GTPBP1: variants seen among roughly 807,000 people sequenced by gnomAD.
GTPBP1 encodes GTP binding protein 1, also known as GTP-binding protein 1.
A neutral mutation model predicts 62.0 loss-of-function variants in GTPBP1; 23 were observed. That is an observed-to-expected ratio of 0.37 (90% CI 0.27 to 0.53). The LOEUF is 0.53. Among genes scored for constraint, GTPBP1 ranks in the 20% least tolerant of loss-of-function variants. The pLI is 0.89. For synonymous variants in GTPBP1, 344 were observed against 364.4 expected, an observed-to-expected ratio of 0.94 and a Z score of 0.64; for missense variants, 640 against 917.3, an observed-to-expected ratio of 0.70 and a Z score of 3.90.
chr22:38,708,899 T>A lies in GTPBP1; in HGVS notation c.247T>A (p.Trp83Arg). Reference protein sequence around the residue: ...EQYDSLLRQMWERMDEGCGET... With the variant: ...EQYDSLLRQMRERMDEGCGET... ...GTATGACAGCCTACTTCGGCAGATG[T>A]GGGAGAGGATGGACGAGGGATGCGG... Residue 83 changes from tryptophan (W) to arginine (R), a missense_variant, in exon 2 of 12, where the codon TGG (tryptophan) becomes AGG (arginine). Transcript: ENST00000216044. The A allele has an allele frequency of 6.2e-7, 1 of 1,611,730 alleles. No individual in the cohort carries two copies. The highest frequency in any genetic ancestry group is 8.5e-7 in the Non-Finnish European group (1 of 1,177,822).
chr22:38,732,393 G>C lies in GTPBP1; in HGVS notation c.*1689G>C, dbSNP rs568689209. The C allele has an allele frequency of 6.6e-6, 1 of 152,464 alleles. No individual in the cohort carries two copies. The highest frequency in any genetic ancestry group is 2.1e-4 in the South Asian group (1 of 4,836). The allele number at this position is 152,464 out of a possible 1,614,324, so 9.4% of individuals were successfully genotyped here. On this transcript the variant is annotated 3_prime_UTR_variant, in exon 12 of 12. Transcript: ENST00000216044. ...CCAGTCAGGCAGGCATGGCTTCCGT[G>C]TTCAGGCTCCCTCACCAGCTGGTGA...
Position 38,708,793 on chromosome 22 carries a change from T to C in GTPBP1, c.193-52T>C. ...TTAGGCTATATTGATCAGCTTTGGCTGTGGTGCTCTTCTAGCAAGTGTGGT... is the reference window on the plus strand; with the variant it reads ...TTAGGCTATATTGATCAGCTTTGGCCGTGGTGCTCTTCTAGCAAGTGTGGT... On this transcript the variant is annotated intron_variant, in intron 1 of 11. Coordinates refer to ENST00000216044, the MANE Select transcript of GTPBP1 (RefSeq NM_004286.5). 3.1e-6 allele frequency: 3 copies of C among 974,206 alleles called. No individual in the cohort carries two copies. In the South Asian group the frequency reaches 3.8e-5, roughly 12 times the overall value. 60.3% of individuals were successfully genotyped at this position (974,206 alleles called of 1,614,324 possible). A position where few individuals can be genotyped will look rare whatever the true frequency, so the allele number is the denominator to read the frequency against.
intron 2 of GTPBP1, among the ~76,000 whole-genome samples, chr22:38,711,169 T>G (rs1219908717): frequency 6.6e-6 from 1 of 152,226 alleles, no homozygotes; most frequent in Admixed American, 6.5e-5. Context: ...TATCACATCC[T>G]TTCTCTGTAA....
At chr22:38,722,888 G>T in intron 5 of GTPBP1, 1 of 1,318,886 alleles carries the variant, frequency 7.6e-7, no homozygotes, top group East Asian at 2.3e-5. Flanking sequence ...TTTCTTCCAC[G>T]CTTCGGCCCA....
At chr22:38,717,298 T>C (rs934335114) in intron 4 of GTPBP1, among the ~76,000 whole-genome samples, 2 of 152,196 alleles carry the variant, frequency 1.3e-5, no homozygotes, top group African/African-American at 4.8e-5. Context: ...TCCTGGGCCT[T>C]ACTTGTTACC....
At position 38,729,519 on chromosome 22, in the gene GTPBP1, C is replaced by G; in HGVS notation, c.1774C>G (p.Gln592Glu). The G allele has an allele frequency of 6.2e-7, 1 of 1,609,400 alleles. No homozygotes were observed. Among genetic ancestry groups the G allele is most frequent in the Non-Finnish European group, 8.5e-7 (1 of 1,178,080 alleles). ...CTCCAAGCCGCAGCAGATTAAAATG[C>G]AGTCGACGAAAAAGGGCCCCCTGAC... ...MNSKPQQIKMQSTKKGPLTKR... is the reference protein window; with the variant it reads ...MNSKPQQIKMESTKKGPLTKR... The change falls in exon 11 of 12, where the codon CAG becomes GAG. Residue 592 changes from glutamine (Q) to glutamate (E), a missense_variant. Gln to Glu is a conservative substitution (Grantham distance 29). Around this residue, in one of 4 missense-constraint regions of GTPBP1, gnomAD observed 117 missense variants for 107.1 expected, o/e 1.09. Transcript: ENST00000216044.
intron 4 of GTPBP1, among the ~76,000 whole-genome samples, chr22:38,719,152 C>T (rs541858256): frequency 5.3e-5 from 8 of 151,900 alleles, no homozygotes; most frequent in Middle Eastern, 6.3e-3. Context: ...ATTACAGGCA[C>T]GTGCCACCAC....
In GTPBP1 at chr22:38,725,998, C is replaced by G; in HGVS notation, c.1074-8C>G. ...TCCTTTTTTCCTTCCTCTTCTCCCT[C>G]TGCTTAGGATGTGCCCGATATTCCA... On this transcript the variant is annotated splice_region_variant and splice_polypyrimidine_tract_variant and intron_variant, in intron 6 of 11. Coordinates refer to ENST00000216044, the MANE Select transcript of GTPBP1 (RefSeq NM_004286.5). 1 of 1,613,400 alleles carries G rather than the reference C, an allele frequency of 6.2e-7. No individual in the cohort carries two copies. The highest frequency in any genetic ancestry group is 8.5e-7 in the Non-Finnish European group (1 of 1,179,358).
rs764502080 is a variant in GTPBP1 at position 38,721,849 on chromosome 22, T to G, written c.942T>G (p.Pro314=). 1.3e-6 allele frequency: 2 copies of G among 1,597,646 alleles called. No individual in the cohort carries two copies. The highest frequency in any genetic ancestry group is 1.7e-6 in the Non-Finnish European group (2 of 1,167,960). ...TAGTCACCAAGATTGACATGTGTCC[T>G]GCCAACATCCTGCAAGGTAAGTGAA... is the stretch of plus-strand genomic sequence containing the variant. ...FVVVTKIDMC[P]ANILQETLKL... The change falls in exon 5 of 12, where the codon CCT becomes CCG. Residue 314 remains proline (P), a synonymous_variant. Coordinates refer to ENST00000216044, the MANE Select transcript of GTPBP1 (RefSeq NM_004286.5).
At chr22:38,742,834 G>T, downstream of GTPBP1, 1 of 404,092 alleles carries the variant, frequency 2.5e-6, no homozygotes, top group East Asian at 4.7e-5. Context: ...AAGGTGGGCC[G>T]GGGAGAAGGT....
chr22:38,715,835 C>A, intron 2 of GTPBP1, 72 bp from the exon 3 acceptor site: 1 of 1,319,854 alleles, frequency 7.6e-7, no homozygotes, highest in Non-Finnish European at 1.1e-6. Context: ...AGGTGGGGTT[C>A]CTGGCTGGCT....
chr22:38,738,960 A>T (rs1332908765), downstream of GTPBP1: 1 of 1,613,398 alleles, frequency 6.2e-7, no homozygotes, highest in Non-Finnish European at 8.5e-7. This position sits in a 1 kb window ranked among gnomAD's most constrained non-coding sequence, Gnocchi z 6.6. Context: ...CGTAGGTCTC[A>T]GAACATCGGG....
chr22:38,720,647 G>A (rs2092695119), intron 4 of GTPBP1, among the ~76,000 whole-genome samples: 1 of 152,132 alleles, frequency 6.6e-6, no homozygotes, highest in Non-Finnish European at 1.5e-5. Context: ...CTTTTGTACA[G>A]CACATTTCAT....
Position 38,716,101 on chromosome 22 carries a change from G to T in GTPBP1, c.485+14G>T, listed in dbSNP as rs756051209. ...CCTGGAGGTCAGGTGAGGAGGCCGCGGGACATTTTGGGGTCCCCATTCTTC... is the reference window on the plus strand; with the variant it reads ...CCTGGAGGTCAGGTGAGGAGGCCGCTGGACATTTTGGGGTCCCCATTCTTC... On this transcript the variant is annotated intron_variant, in intron 3 of 11. Transcript: ENST00000216044. This position sits in a 1 kb window ranked among gnomAD's most constrained non-coding sequence, Gnocchi z 5.2. 3 of 1,558,856 alleles carry T rather than the reference G, an allele frequency of 1.9e-6. No homozygotes were observed. The East Asian group carries it at 7.3e-5, about 38-fold the overall frequency.
intron 10 of GTPBP1, chr22:38,728,508 G>C (rs1403708212): frequency 6.8e-6 from 2 of 294,450 alleles, no homozygotes; most frequent in East Asian, 1.3e-4. Context: ...TCAGAGCAGA[G>C]GTCTGGTTGG....
chr22:38,730,519 T>A lies in GTPBP1; in HGVS notation c.1918-93T>A. The A allele has an allele frequency of 1.1e-6, 1 of 879,046 alleles. No homozygotes were observed. Among genetic ancestry groups the A allele is most frequent in the Non-Finnish European group, 1.9e-6 (1 of 533,838 alleles). The allele number at this position is 879,046 out of a possible 1,614,324, so 54.5% of individuals were successfully genotyped here. On this transcript the variant is annotated intron_variant, in intron 11 of 11. Transcript: ENST00000216044. This position sits in a 1 kb window ranked among gnomAD's most constrained non-coding sequence, Gnocchi z 5.6. ...GGACCACGCAGCCTGCTCACGCATCTTCCGTCCCTGTCTCCCCGCTGCTCA... is the reference window on the plus strand; with the variant it reads ...GGACCACGCAGCCTGCTCACGCATCATCCGTCCCTGTCTCCCCGCTGCTCA...
At chr22:38,717,091 C>G in intron 4 of GTPBP1, 91 bp downstream of exon 4, 2 of 803,622 alleles carry the variant, frequency 2.5e-6, no homozygotes, top group Non-Finnish European at 4.0e-6. Flanking sequence ...GAGACTGAGG[C>G]CTGTTGGTTT....
At chr22:38,741,183 A>T, downstream of GTPBP1, 1 of 991,272 alleles carries the variant, frequency 1.0e-6, no homozygotes, top group Non-Finnish European at 1.6e-6. Context: ...CTGCAGCAAA[A>T]ATCAAACTGG....
At chr22:38,724,501 C>T in intron 6 of GTPBP1, 90 bp downstream of exon 6, 1 of 739,786 alleles carries the variant, frequency 1.4e-6, no homozygotes, top group African/African-American at 1.7e-5. Context: ...TCAGTTTGGG[C>T]ATAAGGTCTC....
Sources: gnomAD v4.1 joint callset for allele counts (sites outside exome capture counted in the v4.1 genomes callset) on GRCh38, gnomAD v4.1.1 for gene constraint, gnomAD v4.1.1 regional missense constraint, Gnocchi (gnomAD v3.1) non-coding constraint, MANE v1.5 for transcripts, NCBI Gene and HGNC (gene_info 2026-07-23, HGNC 2026-07-21) for gene names.